DOK7: variants seen among roughly 807,000 people sequenced by gnomAD.
DOK7 encodes the protein docking protein 7.
In DOK7, 32 loss-of-function variants were observed where a neutral mutation model predicts 30.7. That is an observed-to-expected ratio of 1.04 (90% CI 0.79 to 1.40). The LOEUF is 1.40. DOK7 is among the 40% of genes most tolerant of loss of function. The pLI is 0.00. For synonymous variants in DOK7, 447 were observed against 324.1 expected, an observed-to-expected ratio of 1.38 and a Z score of -4.07; for missense variants, 1,007 against 699.2, an observed-to-expected ratio of 1.44 and a Z score of -4.97.
In DOK7 at chr4:3,493,315, C is replaced by A; in HGVS notation, c.1329C>A (p.Pro443=). Residue 443 remains proline (P), a synonymous_variant, in exon 7 of 7, where the codon CCC becomes CCA. Coordinates refer to ENST00000340083, the MANE Select transcript of DOK7 (RefSeq NM_173660.5). ...GCGGCCAGACGTCCGCCGGGTGTCC[C>A]TCTGGCTGGCTGGGCACGAGACGGC... ...DSGGQTSAGC[P]SGWLGTRRRG... 1 of 1,604,658 alleles carries A rather than the reference C, an allele frequency of 6.2e-7. No individual in the cohort carries two copies. The highest frequency in any genetic ancestry group is 8.5e-7 in the Non-Finnish European group (1 of 1,175,984).
chr4:3,473,018 A>C (rs917705955), intron 2 of DOK7, among the ~76,000 whole-genome samples: 1 of 152,214 alleles, frequency 6.6e-6, no homozygotes, highest in African/African-American at 2.4e-5. Context: ...GCAGGAGGCC[A>C]CAGCCACCGG....
Position 3,463,457 on chromosome 4 carries a change from G to GT in DOK7, c.54+28_54+29insT, listed in dbSNP as rs777859905. On this transcript the variant is annotated intron_variant, in intron 1 of 6. Coordinates refer to ENST00000340083, the MANE Select transcript of DOK7 (RefSeq NM_173660.5). Reference sequence around the variant, plus strand: ...CGGGGCGCGTCGGGGGCGCGGGGGGGGGGGGCGCGGGCGCGGGCGGCGGCT... The same window carrying GT: ...CGGGGCGCGTCGGGGGCGCGGGGGGGTGGGGGCGCGGGCGCGGGCGGCGGCT... 5 of 1,422,818 alleles carry GT rather than the reference G, an allele frequency of 3.5e-6. No individual in the cohort carries two copies. The highest frequency in any genetic ancestry group is 4.6e-6 in the Non-Finnish European group (5 of 1,093,266). 88.1% of individuals were successfully genotyped at this position (1,422,818 alleles called of 1,614,324 possible).
chr4:3,494,675 C>A (rs1378668240), downstream of DOK7, among the ~76,000 whole-genome samples: 2 of 116,446 alleles, frequency 1.7e-5, no homozygotes. Flanking sequence ...TCCGGGCAGC[C>A]CCCGGGCTGG....
At chr4:3,498,116 C>G (rs1202580071), downstream of DOK7, among the ~76,000 whole-genome samples, 1 of 152,108 alleles carries the variant, frequency 6.6e-6, no homozygotes, top group Non-Finnish European at 1.5e-5. Context: ...CGTCGGGCTG[C>G]CAGCCCAGGG....
intron 6 of DOK7, among the ~76,000 whole-genome samples, chr4:3,499,620 C>G (rs1359883577): frequency 6.6e-6 from 1 of 151,766 alleles, no homozygotes; most frequent in African/African-American, 2.4e-5. Flanking sequence ...GGTGTGCAGA[C>G]AGAACCATCA....
chr4:3,464,478 G>C lies in DOK7; in HGVS notation c.100+927G>C, dbSNP rs367672726. Reference sequence around the variant, plus strand: ...GTGCCCAGACCTCCTGCCTGGAGCTGTGGGGGCACCGACAGAGCCTGGGAG... The same window carrying C: ...GTGCCCAGACCTCCTGCCTGGAGCTCTGGGGGCACCGACAGAGCCTGGGAG... On this transcript the variant is annotated intron_variant, in intron 2 of 6. Transcript: ENST00000340083. 1.3e-3 allele frequency among the ~76,000 whole-genome samples: 192 copies of C among 152,328 alleles called. 2 individuals are homozygous for C. The highest frequency in any genetic ancestry group is 0.01 in the Middle Eastern group (3 of 294).
At position 3,494,242 on chromosome 4, in the gene DOK7, G is replaced by A. The variant is rs1728761341; in HGVS notation, c.*741G>A. On this transcript the variant is annotated 3_prime_UTR_variant, in exon 7 of 7. Coordinates refer to ENST00000340083, the MANE Select transcript of DOK7 (RefSeq NM_173660.5). ...TGGCTCCTGTCTGAACCTCCTCGCA[G>A]GGCCAAAGGCTGGCTTGGCCTGTGT... 5.1e-6 allele frequency: 5 copies of A among 985,534 alleles called. No individual in the cohort carries two copies. The highest frequency in any genetic ancestry group is 1.7e-5 in the African/African-American group (1 of 57,372). 61.0% of individuals were successfully genotyped at this position (985,534 alleles called of 1,614,324 possible).
intron 6 of DOK7, 26 bp downstream of exon 6, chr4:3,489,822 G>A: frequency 6.4e-7 from 1 of 1,562,356 alleles, no homozygotes; most frequent in South Asian, 1.2e-5. Flanking sequence ...GACCTGGGCT[G>A]TGGGACCTCG....
intron 6 of DOK7, among the ~76,000 whole-genome samples, chr4:3,490,490 C>CTTTCTTCACCCCCATTCA (rs1421463039): frequency 7.4e-6 from 1 of 135,172 alleles, no homozygotes; most frequent in Non-Finnish European, 1.6e-5. Flanking sequence ...TCATTCATTC[C>CTTTCTTCACCCCCATTCA]TTCCTTTTCC....
At chr4:3,478,327 G>A (rs954962188) in intron 4 of DOK7, among the ~76,000 whole-genome samples, 5 of 152,182 alleles carry the variant, frequency 3.3e-5, no homozygotes, top group Non-Finnish European at 5.9e-5. Context: ...CCCCTTTTCC[G>A]CTGGTAAACA....
chr4:3,494,320 C>T lies in DOK7; in HGVS notation c.*819C>T, dbSNP rs1728767641. 1.0e-6 allele frequency: 1 copy of T among 985,792 alleles called. No individual in the cohort carries two copies. 61.1% of individuals were successfully genotyped at this position (985,792 alleles called of 1,614,324 possible). A position where few individuals can be genotyped will look rare whatever the true frequency, so the allele number is the denominator to read the frequency against. On this transcript the variant is annotated 3_prime_UTR_variant, in exon 7 of 7. Coordinates refer to ENST00000340083, the MANE Select transcript of DOK7 (RefSeq NM_173660.5). The stretch of plus-strand genomic sequence containing the variant: ...CGTCGGAGGTGGGGCTGTGTTGGGC[C>T]CATTGTCCCCCGCCCTGGGTGGCTT...
At chr4:3,494,725 G>A (rs367764171), downstream of DOK7, among the ~76,000 whole-genome samples, 1 of 152,226 alleles carries the variant, frequency 6.6e-6, no homozygotes, top group African/African-American at 2.4e-5. Flanking sequence ...GCACATTCCT[G>A]GGTGTGTCCT....
chr4:3,487,033 C>T (rs1441327768), intron 5 of DOK7, among the ~76,000 whole-genome samples: 1 of 152,102 alleles, frequency 6.6e-6, no homozygotes, highest in African/African-American at 2.4e-5. Flanking sequence ...AGCACGTGGG[C>T]CAGCCCCAGG....
At chr4:3,492,164 CGGGA>C (rs1323904349) in intron 6 of DOK7, among the ~76,000 whole-genome samples, 2 of 152,046 alleles carry the variant, frequency 1.3e-5, no homozygotes, top group African/African-American at 2.4e-5. Context: ...GCCTGGCAGG[CGGGA>C]GGCAGCCTGG....
At chr4:3,469,062 TAGTG>T (rs1405336351) in intron 2 of DOK7, among the ~76,000 whole-genome samples, 1 of 89,130 alleles carries the variant, frequency 1.1e-5, no homozygotes, top group Non-Finnish European at 2.1e-5. Flanking sequence ...GTGTGTGCAT[TAGTG>T]TGTGTGCCTG....
rs1729141446 is a variant in DOK7 at position 3,500,642 on chromosome 4, G to C, written c.1262-50G>C. 10 of 1,535,320 alleles carry C rather than the reference G, an allele frequency of 6.5e-6. No individual in the cohort carries two copies. In the South Asian group the frequency reaches 9.5e-5, roughly 15 times the overall value. On this transcript the variant is annotated intron_variant, in intron 7 of 7. Transcript: ENST00000643608. ...ACTGGTGTGGAGGGCAGGGTCACAG[G>C]GCTGGGTGGCTCGGGGCGCAGGCTG...
At position 3,489,759 on chromosome 4, in the gene DOK7, G is replaced by A; in HGVS notation, c.735G>A (p.Leu245=). 1.3e-6 allele frequency: 2 copies of A among 1,572,500 alleles called. No homozygotes were observed. The highest frequency in any genetic ancestry group is 1.7e-6 in the Non-Finnish European group (2 of 1,158,730). ...ALETLQLEKR[L]SLLSHAGRPG... is the part of the protein sequence containing the mutation. Reference sequence around the variant, plus strand: ...AAACCCTACAGCTGGAGAAGCGGCTGAGCCTCCTCTCACATGCGGGCAGGC... The same window carrying A: ...AAACCCTACAGCTGGAGAAGCGGCTAAGCCTCCTCTCACATGCGGGCAGGC... Residue 245 remains leucine (L), a synonymous_variant, in exon 6 of 7, where the codon CTG becomes CTA. Coordinates refer to ENST00000340083, the MANE Select transcript of DOK7 (RefSeq NM_173660.5).
At position 3,494,395 on chromosome 4, in the gene DOK7, G is replaced by A. The variant is rs937333223; in HGVS notation, c.*894G>A. 5 of 985,950 alleles carry A rather than the reference G, an allele frequency of 5.1e-6. No homozygotes were observed. Among genetic ancestry groups the A allele is most frequent in the Non-Finnish European group, 6.0e-6 (5 of 830,294 alleles). 61.1% of individuals were successfully genotyped at this position (985,950 alleles called of 1,614,324 possible). A position where few individuals can be genotyped will look rare whatever the true frequency, so the allele number is the denominator to read the frequency against. On this transcript the variant is annotated 3_prime_UTR_variant, in exon 7 of 7. Transcript: ENST00000340083. ...CCTGACCACAGCCCAGCAGCTCCCT[G>A]TGAACACCTCTTTGTCCCTTCACTG...
At chr4:3,467,612 G>A (rs1256359563) in intron 2 of DOK7, among the ~76,000 whole-genome samples, 1 of 152,102 alleles carries the variant, frequency 6.6e-6, no homozygotes, top group African/African-American at 2.4e-5. Context: ...CACCGTGGGA[G>A]CGTGTGCACG....
Sources: gnomAD v4.1 joint callset for allele counts (sites outside exome capture counted in the v4.1 genomes callset) on GRCh38, gnomAD v4.1.1 for gene constraint, MANE v1.5 for transcripts, NCBI Gene and HGNC (gene_info 2026-07-23, HGNC 2026-07-21) for gene names.